The following PVT1 variants were observed in gnomAD, a reference collection of about 807,000 sequenced individuals.
PVT1 encodes Pvt1 oncogene, also known as CXCR4/PVT1 fusion.
At chr8:128,068,849 T>C (rs988524747) in intron 4 of PVT1, among the ~76,000 whole-genome samples, 3 of 152,240 alleles carry the variant, frequency 2.0e-5, no homozygotes, top group Admixed American at 2.0e-4. Context: ...CCATTGCCGG[T>C]GGCAGCATAA....
At position 127,934,008 on chromosome 8, in the gene PVT1, G is replaced by T. The variant is rs115988647; in HGVS notation, n.782+43010G>T. On this transcript the variant is annotated intron_variant and non_coding_transcript_variant, in intron 3 of 10. Coordinates refer to ENST00000651587, the Ensembl canonical transcript of PVT1. ...TGTGATGGTTACAGAGCTGTAGGTT[G>T]CTCATAAGTCAACATTGTAGTTGCT... 5.3e-3 allele frequency among the ~76,000 whole-genome samples: 802 copies of T among 152,316 alleles called. 14 individuals carry two copies. Among genetic ancestry groups the T allele is most frequent in the African/African-American group, 0.018 (765 of 41,550 alleles).
chr8:127,910,939 A>C (rs1815890336), intron 3 of PVT1, among the ~76,000 whole-genome samples: 2 of 149,992 alleles, frequency 1.3e-5, no homozygotes, highest in South Asian at 4.2e-4. Context: ...GAGATTGTGC[A>C]TTGTACGGTG....
chr8:127,803,629 C>G (rs1814494377), intron 2 of PVT1: 2 of 152,116 alleles, frequency 1.3e-5, no homozygotes, highest in African/African-American at 4.8e-5. Context: ...TGGCTTATGC[C>G]TGTAATCCCA....
intron 4 of PVT1, among the ~76,000 whole-genome samples, chr8:127,999,721 C>G (rs1358181898): frequency 6.6e-6 from 1 of 152,226 alleles, no homozygotes; most frequent in Admixed American, 6.5e-5. Context: ...TTCAGCCTCC[C>G]GAAGTGCTGG....
intron 4 of PVT1, among the ~76,000 whole-genome samples, chr8:127,999,938 T>C (rs887698562): frequency 2.0e-5 from 3 of 152,186 alleles, no homozygotes; most frequent in Non-Finnish European, 4.4e-5. Context: ...GTCAGATGCA[T>C]GTAGAAAGAG....
chr8:127,972,258 C>T (rs1430368216), intron 3 of PVT1, among the ~76,000 whole-genome samples: 1 of 152,252 alleles, frequency 6.6e-6, no homozygotes, highest in Admixed American at 6.5e-5. Flanking sequence ...CTCCGTGGGG[C>T]AGGCCACTCC....
chr8:128,065,057 A>T (rs1447409852), intron 4 of PVT1, among the ~76,000 whole-genome samples: 2 of 152,232 alleles, frequency 1.3e-5, no homozygotes, highest in African/African-American at 4.8e-5. Flanking sequence ...AGAGGCCTAC[A>T]GGGGGAAGGA....
At chr8:128,049,335 G>A (rs185698135) in intron 4 of PVT1, 23 of 374,948 alleles carry the variant, frequency 6.1e-5, no homozygotes, top group African/African-American at 3.4e-4. Context: ...GAAGGAAGGC[G>A]GGAGTGTGAT....
intron 4 of PVT1, among the ~76,000 whole-genome samples, chr8:128,048,239 A>G (rs952307416): frequency 6.6e-6 from 1 of 152,220 alleles, no homozygotes; most frequent in Non-Finnish European, 1.5e-5. Context: ...AAGGCACACA[A>G]TAGGCTTTCC....
intron 2 of PVT1, among the ~76,000 whole-genome samples, chr8:127,877,209 T>C (rs1044850448): frequency 2.0e-5 from 3 of 152,196 alleles, no homozygotes; most frequent in Non-Finnish European, 4.4e-5. Context: ...TGTGGTGTGA[T>C]GATGGCCCCC....
intron 5 of PVT1, among the ~76,000 whole-genome samples, chr8:128,078,025 C>T (rs1451970149): frequency 6.6e-6 from 1 of 152,214 alleles, no homozygotes; most frequent in African/African-American, 2.4e-5. Context: ...TCAGGAGCTG[C>T]ACTTCCAAGT....
At chr8:128,074,713 G>A (rs1197646431) in intron 5 of PVT1, among the ~76,000 whole-genome samples, 1 of 152,144 alleles carries the variant, frequency 6.6e-6, no homozygotes, top group Non-Finnish European at 1.5e-5. Flanking sequence ...ATTCCGTTAG[G>A]ATGGCTAATT....
intron 4 of PVT1, among the ~76,000 whole-genome samples, chr8:128,059,492 A>T (rs1042010840): frequency 6.6e-6 from 1 of 152,146 alleles, no homozygotes; most frequent in African/African-American, 2.4e-5. Flanking sequence ...ATATTTTGTG[A>T]TATATGAAAA....
At chr8:128,094,598 C>T (rs1212286407) in intron 5 of PVT1, among the ~76,000 whole-genome samples, 1 of 152,208 alleles carries the variant, frequency 6.6e-6, no homozygotes, top group Non-Finnish European at 1.5e-5. Context: ...GTCTGTGAAA[C>T]AGGAGCAATG....
At chr8:127,805,919 A>C (rs1420146916) in intron 2 of PVT1, among the ~76,000 whole-genome samples, 2 of 152,170 alleles carry the variant, frequency 1.3e-5, no homozygotes, top group Admixed American at 6.6e-5. Flanking sequence ...CAGAAGAACA[A>C]AGTGTTAGCA....
chr8:127,873,290 G>A (rs1328037764), intron 2 of PVT1, among the ~76,000 whole-genome samples: 1 of 152,102 alleles, frequency 6.6e-6, no homozygotes, highest in African/African-American at 2.4e-5. Flanking sequence ...TACTTGCTGG[G>A]TAAGCACAGC....
rs1298262495 is a variant in PVT1 at position 127,950,688 on chromosome 8, C to A, written n.783-38474C>A. Among the ~76,000 whole-genome samples the A allele has an allele frequency of 2.6e-5, 4 of 152,286 alleles. No homozygotes were observed. In the East Asian group the frequency reaches 7.7e-4, roughly 29 times the overall value. ...ACTGACCTGGGAGGACTGACTTTCACCCAAAAGGGCCTGGGCTGGGAATTC... is the reference window on the plus strand; with the variant it reads ...ACTGACCTGGGAGGACTGACTTTCAACCAAAAGGGCCTGGGCTGGGAATTC... On this transcript the variant is annotated intron_variant and non_coding_transcript_variant, in intron 3 of 10. Transcript: ENST00000651587.
chr8:127,959,645 T>C (rs951629295), intron 3 of PVT1, among the ~76,000 whole-genome samples: 2 of 150,752 alleles, frequency 1.3e-5, no homozygotes, highest in Admixed American at 6.6e-5. Flanking sequence ...GCTCTTCTTA[T>C]TGAAACTCTT....
chr8:128,098,765 C>T (rs1814460632), intron 6 of PVT1, among the ~76,000 whole-genome samples: 1 of 152,166 alleles, frequency 6.6e-6, no homozygotes. Flanking sequence ...CCATGCTGAG[C>T]AAGCTGGCAG....
Sources: allele counts gnomAD v4.1 joint callset (sites outside exome capture counted in the v4.1 genomes callset), GRCh38; gene constraint gnomAD v4.1.1; transcripts MANE v1.5; gene names NCBI Gene and HGNC (gene_info 2026-07-23, HGNC 2026-07-21).